Variants in MYCBP2 observed in about 807,000 individuals in gnomAD.
MYCBP2 encodes MYC binding protein 2.
In MYCBP2, 120 loss-of-function variants were observed where a neutral mutation model predicts 525.3. That is an observed-to-expected ratio of 0.23 (90% CI 0.20 to 0.27). MYCBP2 has a LOEUF of 0.27. Ranked by LOEUF, MYCBP2 falls within the 10% of genes least tolerant of loss-of-function variation. MYCBP2 has a pLI of 1.00. For missense variants in MYCBP2, 4,149 were observed against 5,657.1 expected (o/e 0.73, Z 8.55); for synonymous variants, 1,894 against 1,955.8 (o/e 0.97, Z 0.83).
chr13:77,190,480 T>G (rs1472119317), intron 28 of MYCBP2, 145 bp from the exon 29 acceptor site: 7 of 573,832 alleles, frequency 1.2e-5, no homozygotes, highest in African/African-American at 1.9e-5. Flanking sequence ...TTCTAGATTT[T>G]CATTCTAGCT....
At chr13:77,172,166 T>G (rs1287778760) in intron 37 of MYCBP2, among the ~76,000 whole-genome samples, 2 of 151,910 alleles carry the variant, frequency 1.3e-5, no homozygotes, top group African/African-American at 4.8e-5. Context: ...CCCAAAGTGC[T>G]GGGATTATAG....
chr13:77,229,424 T>C (rs775072834), intron 18 of MYCBP2, among the ~76,000 whole-genome samples: 4 of 152,194 alleles, frequency 2.6e-5, no homozygotes, highest in Non-Finnish European at 5.9e-5. Flanking sequence ...TAGAGTTTAA[T>C]CATAAATAAG....
chr13:77,289,941 C>T (rs2077299194), intron 2 of MYCBP2, among the ~76,000 whole-genome samples: 2 of 152,066 alleles, frequency 1.3e-5, no homozygotes, highest in African/African-American at 4.8e-5. Context: ...ATTGAAGTCA[C>T]AGACTGGGAG....
At chr13:77,298,690 A>C (rs1225316163) in intron 1 of MYCBP2, among the ~76,000 whole-genome samples, 1 of 152,188 alleles carries the variant, frequency 6.6e-6, no homozygotes, top group African/African-American at 2.4e-5. Context: ...AAGGCCCACT[A>C]AGGAGTTATC....
At chr13:77,072,726 G>A (rs1345638769) in intron 68 of MYCBP2, among the ~76,000 whole-genome samples, 1 of 151,908 alleles carries the variant, frequency 6.6e-6, no homozygotes, top group Non-Finnish European at 1.5e-5. Context: ...AGACATAAGG[G>A]TATATTATGA....
chr13:77,246,283 C>T (rs141795465), intron 15 of MYCBP2, among the ~76,000 whole-genome samples: 40 of 152,116 alleles, frequency 2.6e-4, no homozygotes, highest in Admixed American at 5.9e-4. Context: ...TGGAAGATCA[C>T]TTACTACACA....
At chr13:77,162,706 G>T (rs996502206) in intron 43 of MYCBP2, among the ~76,000 whole-genome samples, 3 of 152,236 alleles carry the variant, frequency 2.0e-5, no homozygotes, top group African/African-American at 7.2e-5. Context: ...GCCCAGGCTG[G>T]AGTGCAGTGG....
At chr13:77,221,817 T>C (rs2065624640) in intron 20 of MYCBP2, among the ~76,000 whole-genome samples, 2 of 152,164 alleles carry the variant, frequency 1.3e-5, no homozygotes, top group African/African-American at 4.8e-5. Flanking sequence ...TCAGCATCCA[T>C]GGGGAATTGG....
At position 77,140,328 on chromosome 13, in the gene MYCBP2, TAAC is replaced by T. The variant is rs901606264; in HGVS notation, c.7402-168_7402-166del. Among the ~76,000 whole-genome samples the T allele has an allele frequency of 4.1e-4, 63 of 152,288 alleles. 1 individual carries two copies. Among genetic ancestry groups the T allele is most frequent in the African/African-American group, 1.5e-3 (62 of 41,556 alleles). ...TCTGCAAATAACAGTATAACAACACTAACAACAGAACTTTTAAGCACTGAAATG... is the reference window on the plus strand; with the variant it reads ...TCTGCAAATAACAGTATAACAACACTAACAGAACTTTTAAGCACTGAAATG... On this transcript the variant is annotated intron_variant, in intron 50 of 82. Transcript: ENST00000544440.
intron 23 of MYCBP2, among the ~76,000 whole-genome samples, chr13:77,208,456 TA>T (rs986933658): frequency 6.6e-6 from 1 of 152,084 alleles, no homozygotes; most frequent in East Asian, 1.9e-4. Flanking sequence ...ATCGTAATAT[TA>T]AAAAAAATCT....
At chr13:77,302,756 G>A (rs997924033) in intron 1 of MYCBP2, among the ~76,000 whole-genome samples, 1 of 152,276 alleles carries the variant, frequency 6.6e-6, no homozygotes, top group African/African-American at 2.4e-5. Context: ...AAAAAAGTTG[G>A]AGTGGCTATT....
chr13:77,137,310 C>T (rs1447831395), intron 52 of MYCBP2, among the ~76,000 whole-genome samples: 1 of 152,186 alleles, frequency 6.6e-6, no homozygotes. Flanking sequence ...TGTTTATTGA[C>T]TTGCTTTATC....
intron 26 of MYCBP2, among the ~76,000 whole-genome samples, chr13:77,202,676 C>T (rs1277825555): frequency 4.9e-4 from 74 of 152,044 alleles, no homozygotes; most frequent in African/African-American, 1.8e-3. Flanking sequence ...TCCAGCAGCA[C>T]ATCAAAAAGC....
At chr13:77,120,712 T>A (rs1441562988) in intron 55 of MYCBP2, among the ~76,000 whole-genome samples, 1 of 152,144 alleles carries the variant, frequency 6.6e-6, no homozygotes, top group Non-Finnish European at 1.5e-5. Flanking sequence ...ACCTCCAGCA[T>A]AAATTGTTTC....
intron 23 of MYCBP2, among the ~76,000 whole-genome samples, chr13:77,209,036 GAC>G (rs1382131205): frequency 6.6e-6 from 1 of 152,086 alleles, no homozygotes; most frequent in Non-Finnish European, 1.5e-5. Flanking sequence ...AAACACAAAA[GAC>G]ACAAAGCAGC....
At chr13:77,251,594 TACCTTCTGTC>T (rs2071216623) in intron 14 of MYCBP2, among the ~76,000 whole-genome samples, 1 of 152,220 alleles carries the variant, frequency 6.6e-6, no homozygotes. Flanking sequence ...TCTTGGCTGT[TACCTTCTGTC>T]AATCATACTT....
Position 77,058,316 on chromosome 13 carries a change from G to A in MYCBP2, c.13231C>T (p.His4411Tyr), listed in dbSNP as rs778925342. Residue 4411 changes from histidine to tyrosine, a missense_variant, in exon 78 of 83, where the codon CAC (histidine) becomes TAC (tyrosine). By Grantham distance (83) the His-to-Tyr change is moderately conservative (BLOSUM62 2). Transcript: ENST00000544440. The surrounding 1 kb of genome is among the most constrained non-coding windows in gnomAD (Gnocchi z 4.1). ...KNEEHCLPCL[H>Y]GCDKSATSLK... ...CTTGTGGCACTTTTGTCACAGCCGTGTAGACAGGGCAGACAGTGCTCTTCG... is the reference window on the plus strand; with the variant it reads ...CTTGTGGCACTTTTGTCACAGCCGTATAGACAGGGCAGACAGTGCTCTTCG... The A allele has an allele frequency of 6.2e-7, 1 of 1,614,152 alleles. No homozygotes were observed. Among genetic ancestry groups the A allele is most frequent in the East Asian group, 2.2e-5 (1 of 44,878 alleles).
intron 15 of MYCBP2, among the ~76,000 whole-genome samples, chr13:77,248,142 C>CAA (rs71203041): frequency 0.59 from 83,130 of 141,366 alleles, 27,638 homozygotes; most frequent in Non-Finnish European, 0.75. Context: ...AAAGTATAAT[C>CAA]AAAAAAAAAA....
At position 77,224,467 on chromosome 13, in the gene MYCBP2, C is replaced by T; in HGVS notation, c.2923G>A (p.Gly975Arg). Residue 975 changes from glycine (G) to arginine (R), a missense_variant, in exon 20 of 83, where the codon GGA becomes AGA. Transcript: ENST00000544440. ...AGCAAGTACCTGGAGTTGACATCTC[C>T]ATGTCCTAGCTGCCCATGCTGCCCA... is the stretch of plus-strand genomic sequence containing the variant. ...GYGQHGQLGH[G>R]DVNSRGCPTL... 1 of 1,608,340 alleles carries T rather than the reference C, an allele frequency of 6.2e-7. No individual in the cohort carries two copies. The highest frequency in any genetic ancestry group is 8.5e-7 in the Non-Finnish European group (1 of 1,176,666).
Sources: gnomAD v4.1 joint callset for allele counts (sites outside exome capture counted in the v4.1 genomes callset) on GRCh38, gnomAD v4.1.1 for gene constraint, Gnocchi (gnomAD v3.1) non-coding constraint, MANE v1.5 for transcripts, NCBI Gene and HGNC (gene_info 2026-07-23, HGNC 2026-07-21) for gene names.